MELK: variants seen among roughly 807,000 people sequenced by gnomAD.
MELK encodes maternal embryonic leucine zipper kinase.
Under a neutral mutation model 85.0 loss-of-function variants are expected in MELK, and 81 were observed. The ratio of observed to expected loss-of-function variants is 0.95; its 90% CI spans 0.80 to 1.15. The LOEUF is 1.15. MELK is among the 50% of genes most tolerant of loss of function. The pLI is 0.00. For missense variants in MELK, 754 were observed against 777.5 expected (o/e 0.97, Z 0.36); for synonymous variants, 252 against 265.0 (o/e 0.95, Z 0.48).
At chr9:36,592,972 A>G (rs1014875966) in intron 4 of MELK, among the ~76,000 whole-genome samples, 5 of 152,274 alleles carry the variant, frequency 3.3e-5, no homozygotes, top group South Asian at 4.1e-4. Context: ...CTTACCAGCA[A>G]CTGCTCATCT....
chr9:36,672,055 ACT>A (rs888864015), intron 16 of MELK, among the ~76,000 whole-genome samples: 3 of 152,194 alleles, frequency 2.0e-5, no homozygotes, highest in Middle Eastern at 3.4e-3. Context: ...TTGCACTGAG[ACT>A]CTCGTAATGA....
intron 13 of MELK, among the ~76,000 whole-genome samples, chr9:36,662,045 T>C (rs1357448312): frequency 2.0e-5 from 3 of 151,834 alleles, no homozygotes; most frequent in African/African-American, 7.2e-5. Flanking sequence ...CAACTTATTT[T>C]TATTATGGAT....
At chr9:36,658,319 C>T (rs989394379) in intron 13 of MELK, among the ~76,000 whole-genome samples, 2 of 152,148 alleles carry the variant, frequency 1.3e-5, no homozygotes, top group African/African-American at 4.8e-5. Context: ...AGGCCCTGTT[C>T]ATTTTTCTTT....
chr9:36,605,299 C>G (rs780998056), intron 7 of MELK, among the ~76,000 whole-genome samples: 4 of 152,096 alleles, frequency 2.6e-5, no homozygotes, highest in Non-Finnish European at 4.4e-5. Context: ...ACCTCTACCT[C>G]CCGGGTTCAA....
chr9:36,609,972 G>A (rs1321059819), intron 8 of MELK, among the ~76,000 whole-genome samples: 4 of 152,144 alleles, frequency 2.6e-5, no homozygotes, highest in African/African-American at 9.7e-5. Context: ...AGGAGTTGGG[G>A]TGGCTCTGGG....
intron 14 of MELK, 129 bp downstream of exon 14, chr9:36,665,710 C>T (rs952967630): frequency 1.6e-6 from 1 of 632,246 alleles, no homozygotes; most frequent in Non-Finnish European, 2.6e-6. Flanking sequence ...TGTTTTTTAT[C>T]ATGTCATTTG....
At chr9:36,629,244 A>G (rs778289001) in intron 8 of MELK, among the ~76,000 whole-genome samples, 5 of 152,192 alleles carry the variant, frequency 3.3e-5, no homozygotes, top group African/African-American at 4.8e-5. Context: ...ATTTCTCTCA[A>G]ATAATTAACC....
chr9:36,599,394 GGTAACAAGGATTACCA>G lies in MELK; in HGVS notation c.476_491del (p.Gly159ValfsTer16), dbSNP rs751394341. 1 of 1,606,134 alleles carries G rather than the reference GGTAACAAGGATTACCA, an allele frequency of 6.2e-7. No individual in the cohort carries two copies. The highest frequency in any genetic ancestry group is 8.5e-7 in the Non-Finnish European group (1 of 1,173,886). The stretch of plus-strand genomic sequence containing the variant: ...AGTTTCATTTTTATCTTATTGGCAG[GGTAACAAGGATTACCA>G]TCTACAGACATGCTGTGGGAGTCTG... On this transcript the variant is annotated frameshift_variant and splice_region_variant, in exon 7 of 18. Coordinates refer to ENST00000298048, the MANE Select transcript of MELK (RefSeq NM_014791.4). LOFTEE classifies it high-confidence loss of function.
At chr9:36,627,966 A>G (rs1464162465) in intron 8 of MELK, among the ~76,000 whole-genome samples, 2 of 151,908 alleles carry the variant, frequency 1.3e-5, no homozygotes, top group African/African-American at 2.4e-5. Flanking sequence ...CTATGGCACA[A>G]TCTTGGCTCA....
intron 9 of MELK, among the ~76,000 whole-genome samples, chr9:36,632,636 A>C (rs1055790407): frequency 6.6e-6 from 1 of 152,196 alleles, no homozygotes; most frequent in African/African-American, 2.4e-5. Flanking sequence ...TTTGTTGATT[A>C]ATTTTTCTCT....
rs1400106121 is a variant in MELK, at chr9:36,573,010, C to T, written c.-39+3C>T. The T allele has an allele frequency of 1.3e-5, 2 of 152,540 alleles. No individual in the cohort carries two copies. The highest frequency in any genetic ancestry group is 1.3e-4 in the Admixed American group (2 of 15,280). 9.4% of individuals were successfully genotyped at this position (152,540 alleles called of 1,614,324 possible). ...CAGCCGTGCCCTCCGCCCCTCAGGT[C>T]AGTTCTCCCGCCTGCCCGCCGCAGT... On this transcript the variant is annotated splice_donor_region_variant and intron_variant, in intron 1 of 17. Coordinates refer to ENST00000298048, the MANE Select transcript of MELK (RefSeq NM_014791.4).
At chr9:36,586,635 TTATA>T (rs1822929790) in intron 3 of MELK, among the ~76,000 whole-genome samples, 1 of 152,182 alleles carries the variant, frequency 6.6e-6, no homozygotes, top group Non-Finnish European at 1.5e-5. Context: ...TAAATTTCAG[TTATA>T]ACTTTAGTAT....
intron 13 of MELK, among the ~76,000 whole-genome samples, chr9:36,661,868 C>T (rs1161779771): frequency 1.3e-5 from 2 of 149,494 alleles, no homozygotes; most frequent in Non-Finnish European, 3.0e-5. Context: ...ACCCGGGAGG[C>T]GGAGCTTGCA....
rs774943512 is a variant in MELK, at chr9:36,583,660, T to C, written c.92T>C (p.Ile31Thr). 2.5e-6 allele frequency: 4 copies of C among 1,612,900 alleles called. No individual in the cohort carries two copies. The highest frequency in any genetic ancestry group is 3.4e-6 in the Non-Finnish European group (4 of 1,179,268). Residue 31 changes from isoleucine (I) to threonine (T), a missense_variant, in exon 3 of 18, where the codon ATC becomes ACC. Transcript: ENST00000298048. ...GFAKVKLACH[I>T]LTGEMVAIKI... Reference sequence around the variant, plus strand: ...GCAAAGGTCAAACTTGCCTGCCATATCCTTACTGGAGAGATGGTAGCTATA... The same window carrying C: ...GCAAAGGTCAAACTTGCCTGCCATACCCTTACTGGAGAGATGGTAGCTATA...
chr9:36,655,665 A>G (rs1434289823), intron 12 of MELK, among the ~76,000 whole-genome samples: 2 of 152,212 alleles, frequency 1.3e-5, no homozygotes, highest in Non-Finnish European at 2.9e-5. Flanking sequence ...CAGGGGTGAT[A>G]TGTGTGCTAT....
intron 6 of MELK, 119 bp downstream of exon 6, chr9:36,597,409 A>G: frequency 1.1e-6 from 1 of 904,898 alleles, no homozygotes; most frequent in Non-Finnish European, 1.7e-6. Flanking sequence ...ATTGAGAAGA[A>G]TGTTAAATTT....
At chr9:36,592,166 T>G (rs985487340) in intron 4 of MELK, among the ~76,000 whole-genome samples, 11 of 147,980 alleles carry the variant, frequency 7.4e-5, no homozygotes, top group African/African-American at 2.8e-4. Context: ...TCATCACATT[T>G]CTTTTCTTTT....
chr9:36,577,432 C>A (rs1156909282), intron 1 of MELK, among the ~76,000 whole-genome samples: 2 of 152,066 alleles, frequency 1.3e-5, no homozygotes, highest in Non-Finnish European at 2.9e-5. Flanking sequence ...AGGAAAATAG[C>A]TTGAACCTGG....
intron 10 of MELK, among the ~76,000 whole-genome samples, chr9:36,636,798 T>G (rs5027637): frequency 0.2 from 15,538 of 79,480 alleles, 1,638 homozygotes; most frequent in African/African-American, 0.32. Flanking sequence ...CTGTCTTTCT[T>G]TCTTTCTGTC....
Sources: allele counts gnomAD v4.1 joint callset (sites outside exome capture counted in the v4.1 genomes callset), GRCh38; gene constraint gnomAD v4.1.1; transcripts MANE v1.5; gene names NCBI Gene and HGNC (gene_info 2026-07-23, HGNC 2026-07-21).